GARIN1A: variants seen among roughly 807,000 people sequenced by gnomAD.
GARIN1A encodes the protein Golgi-associated RAB2 interactor protein 1A.
At chr7:128,675,583 G>GC in the GARIN1A span, 2 of 1,343,300 alleles carry the variant, frequency 1.5e-6, no homozygotes, top group Non-Finnish European at 2.1e-6. Context: ...GTGCACACCT[G>GC]CCCCCAAGAT....
At chr7:128,689,993 G>T in the GARIN1A span, among the ~76,000 whole-genome samples, 1 of 152,248 alleles carries the variant, frequency 6.6e-6, no homozygotes, top group South Asian at 2.1e-4. Context: ...AAAAGTTAGA[G>T]AAATCAGATT....
At chr7:128,681,466 C>CCCTCT in the GARIN1A span, among the ~76,000 whole-genome samples, 12 of 134,466 alleles carry the variant, frequency 8.9e-5, no homozygotes, top group Non-Finnish European at 1.8e-4. Flanking sequence ...CCCTCCCCTC[C>CCCTCT]CCTCTCCTCT....
chr7:128,672,532 T>G, the GARIN1A span: 1 of 1,609,900 alleles, frequency 6.2e-7, no homozygotes, highest in Non-Finnish European at 8.5e-7. Context: ...CGGTGGTGTT[T>G]GAAAGCAACT....
chr7:128,688,027 T>C, the GARIN1A span, among the ~76,000 whole-genome samples: 4 of 152,094 alleles, frequency 2.6e-5, no homozygotes, highest in African/African-American at 9.7e-5. Flanking sequence ...CAATCTTTTT[T>C]TTTTTTGGAG....
the GARIN1A span, among the ~76,000 whole-genome samples, chr7:128,692,276 C>A: frequency 6.6e-6 from 1 of 152,196 alleles, no homozygotes; most frequent in Non-Finnish European, 1.5e-5. Context: ...TAGACTGACC[C>A]AGTTAAAGTG....
chr7:128,681,885 C>T, the GARIN1A span, among the ~76,000 whole-genome samples: 7 of 147,494 alleles, frequency 4.7e-5, no homozygotes, highest in African/African-American at 1.5e-4. Context: ...CACTGCACCC[C>T]CCCCCACAAC....
chr7:128,693,433 CTCTG>C, the GARIN1A span: 12,020 of 162,174 alleles, frequency 0.074, 929 homozygotes, highest in East Asian at 0.25. Context: ...GGTCCTGCCA[CTCTG>C]TCTGTAGTCA....
chr7:128,675,959 T>C, the GARIN1A span: 22 of 781,014 alleles, frequency 2.8e-5, no homozygotes, highest in South Asian at 2.6e-4. Context: ...TAGCGTTCTT[T>C]AGTGCATAAA....
At chr7:128,680,253 T>TA in the GARIN1A span, 1 of 607,262 alleles carries the variant, frequency 1.6e-6, no homozygotes, top group African/African-American at 1.9e-5. Flanking sequence ...GTATTTTAGA[T>TA]AGTCATGCAC....
At chr7:128,680,961 C>A in the GARIN1A span, among the ~76,000 whole-genome samples, 2 of 152,252 alleles carry the variant, frequency 1.3e-5, no homozygotes, top group African/African-American at 2.4e-5. Context: ...TAGATTCTTT[C>A]TGTAACAAGT....
the GARIN1A span, chr7:128,672,400 G>C: frequency 6.2e-7 from 1 of 1,606,154 alleles, no homozygotes; most frequent in Admixed American, 1.7e-5. Context: ...AAGAACCAAT[G>C]AGTAAAATCA....
chr7:128,676,610 A>G, the GARIN1A span, among the ~76,000 whole-genome samples: 1 of 151,984 alleles, frequency 6.6e-6, no homozygotes, highest in Non-Finnish European at 1.5e-5. Flanking sequence ...GTCAATATAG[A>G]TAGAGGGGGT....
At chr7:128,690,278 G>T in the GARIN1A span, among the ~76,000 whole-genome samples, 1 of 152,188 alleles carries the variant, frequency 6.6e-6, no homozygotes, top group South Asian at 2.1e-4. Flanking sequence ...GCGGAAGGCC[G>T]CAGGGTCCTC....
At chr7:128,682,700 C>T in the GARIN1A span, among the ~76,000 whole-genome samples, 3 of 152,106 alleles carry the variant, frequency 2.0e-5, no homozygotes, top group Non-Finnish European at 4.4e-5. Flanking sequence ...GCCTCAGCCT[C>T]CCGAGTAGCT....
At chr7:128,702,494 G>A in the GARIN1A span, among the ~76,000 whole-genome samples, 105 of 152,062 alleles carry the variant, frequency 6.9e-4, no homozygotes, top group Non-Finnish European at 1.1e-3. Context: ...GACTATTAGG[G>A]CAACCACTAA....
At chr7:128,703,499 A>C in the GARIN1A span, among the ~76,000 whole-genome samples, 1 of 152,222 alleles carries the variant, frequency 6.6e-6, no homozygotes, top group African/African-American at 2.4e-5. Context: ...CGGCATATCA[A>C]AATGTACAGG....
At chr7:128,701,760 T>C in the GARIN1A span, among the ~76,000 whole-genome samples, 1 of 151,988 alleles carries the variant, frequency 6.6e-6, no homozygotes, top group African/African-American at 2.4e-5. Flanking sequence ...ACGAGGAAAT[T>C]AAAGTTTAAA....
chr7:128,698,056 A>G, the GARIN1A span, among the ~76,000 whole-genome samples: 1 of 152,148 alleles, frequency 6.6e-6, no homozygotes, highest in East Asian at 1.9e-4. Flanking sequence ...TTTTCCTTGT[A>G]TATTACAGTT....
At chr7:128,699,273 C>A in the GARIN1A span, among the ~76,000 whole-genome samples, 5 of 101,308 alleles carry the variant, frequency 4.9e-5, no homozygotes, top group East Asian at 2.6e-4. Context: ...CCCCCCCCCC[C>A]ACCACCAAAA....
Sources: gnomAD v4.1 joint callset for allele counts (sites outside exome capture counted in the v4.1 genomes callset) on GRCh38, gnomAD v4.1.1 for gene constraint, MANE v1.5 for transcripts, NCBI Gene and HGNC (gene_info 2026-07-23, HGNC 2026-07-21) for gene names.